The following MCF2L variants were observed in gnomAD, a reference collection of about 807,000 sequenced individuals.
MCF2L encodes the protein MCF.2 cell line derived transforming sequence like, also known as guanine nucleotide exchange factor DBS.
MCF2L carries 97 observed loss-of-function variants against 153.4 expected under a neutral mutation model. The ratio of observed to expected loss-of-function variants is 0.63; its 90% CI spans 0.54 to 0.75. The LOEUF (loss-of-function observed/expected upper bound fraction) is 0.75. Ranked by LOEUF, MCF2L falls within the 30% of genes least tolerant of loss-of-function variation. The pLI is 0.00. For missense variants in MCF2L, 1,347 were observed against 1,495.2 expected (o/e 0.90, Z 1.64); for synonymous variants, 659 against 632.2 (o/e 1.04, Z -0.64).
At position 113,028,044 on chromosome 13, in the gene MCF2L, G is replaced by C. The variant is rs1376588932; in HGVS notation, c.278+3286G>C. ...GCATGGGGCTAAATGAGATTCTGTG[G>C]TGTCCACACTGAATGCTGACTGGTC... On this transcript the variant is annotated intron_variant, in intron 3 of 29. Transcript: ENST00000535094. This position sits in a 1 kb window ranked among gnomAD's most constrained non-coding sequence, Gnocchi z 5.4. Among the ~76,000 whole-genome samples the C allele has an allele frequency of 6.6e-6, 1 of 152,214 alleles. No individual in the cohort carries two copies. Among genetic ancestry groups the C allele is most frequent in the Non-Finnish European group, 1.5e-5 (1 of 68,030 alleles).
chr13:113,038,131 G>A (rs922592690), intron 3 of MCF2L, among the ~76,000 whole-genome samples: 1 of 152,086 alleles, frequency 6.6e-6, no homozygotes, highest in East Asian at 1.9e-4. Context: ...AATAAAAGAC[G>A]TGCAAGACTT....
At chr13:113,025,198 CCAT>C (rs2085165514) in intron 3 of MCF2L, among the ~76,000 whole-genome samples, 1 of 99,292 alleles carries the variant, frequency 1.0e-5, no homozygotes, top group African/African-American at 4.0e-5. Context: ...TGAGGTTTCC[CCAT>C]TGTGGGGTCC....
chr13:112,933,423 C>T (rs1400661760), intron 2 of MCF2L, among the ~76,000 whole-genome samples: 1 of 152,202 alleles, frequency 6.6e-6, no homozygotes, highest in African/African-American at 2.4e-5. Context: ...TTGATGGCCC[C>T]GTGGGTCAGG....
At chr13:112,995,121 C>T (rs911196436) in intron 1 of MCF2L, among the ~76,000 whole-genome samples, 2 of 152,284 alleles carry the variant, frequency 1.3e-5, no homozygotes, top group East Asian at 1.9e-4. Flanking sequence ...CTCCAGGATG[C>T]GGCTGTTTGG....
chr13:112,927,747 G>A (rs924659970), intron 2 of MCF2L, among the ~76,000 whole-genome samples: 9 of 152,084 alleles, frequency 5.9e-5, no homozygotes, highest in African/African-American at 1.9e-4. Flanking sequence ...AGGAAATACC[G>A]GGGACAGAGG....
chr13:113,015,857 G>T (rs1386398575), intron 2 of MCF2L, among the ~76,000 whole-genome samples: 1 of 152,212 alleles, frequency 6.6e-6, no homozygotes, highest in Non-Finnish European at 1.5e-5. Context: ...GAGGACAAGG[G>T]CTCCAATCCC....
chr13:113,017,128 G>A (rs1285885407), intron 2 of MCF2L, among the ~76,000 whole-genome samples: 10 of 152,306 alleles, frequency 6.6e-5, no homozygotes, highest in African/African-American at 2.4e-4. Flanking sequence ...GGGTGTGTGC[G>A]TTGCCAATCG....
intron 1 of MCF2L, chr13:112,985,384 T>C (rs2140933371): frequency 2.1e-6 from 1 of 470,868 alleles, no homozygotes; most frequent in African/African-American, 2.0e-5. Flanking sequence ...ATCCTCGCCA[T>C]GGGGGACGGA....
At chr13:112,996,320 GAAAAAAT>G (rs2083129543) in intron 1 of MCF2L, among the ~76,000 whole-genome samples, 1 of 152,082 alleles carries the variant, frequency 6.6e-6, no homozygotes, top group African/African-American at 2.4e-5. Context: ...GCCTTGGCTA[GAAAAAAT>G]AAATAAAAGG....
chr13:113,035,924 C>T lies in MCF2L; in HGVS notation c.279-9347C>T, dbSNP rs1219329006. On this transcript the variant is annotated intron_variant, in intron 3 of 29. Coordinates refer to ENST00000535094, the MANE Select transcript of MCF2L (RefSeq NM_001112732.3). The surrounding 1 kb of genome is among the most constrained non-coding windows in gnomAD (Gnocchi z 4.4). ...GGCGATGGGGCCTTCCTCTCTGGTA[C>T]AGCAGGGGCCTAAGGGATGTTTGAC... Among the ~76,000 whole-genome samples the T allele has an allele frequency of 6.6e-6, 1 of 152,168 alleles. No homozygotes were observed. The highest frequency in any genetic ancestry group is 1.5e-5 in the Non-Finnish European group (1 of 68,032).
At chr13:113,044,657 CT>C in intron 3 of MCF2L, 1 of 1,611,442 alleles carries the variant, frequency 6.2e-7, no homozygotes, top group Non-Finnish European at 8.5e-7. Context: ...ACTCAGGCTT[CT>C]ACTACCAGGC....
chr13:112,960,131 C>G lies in MCF2L; in HGVS notation c.170-54632C>G, dbSNP rs1484255560. ...GTTTTCTGCTGCTATAACAGAGTAT[C>G]ACAGATTGGGTAATTTACACACAAT... is the stretch of plus-strand genomic sequence containing the variant. On this transcript the variant is annotated intron_variant, in intron 2 of 29. Coordinates refer to the MCF2L transcript ENST00000375608. This position sits in a 1 kb window ranked among gnomAD's most constrained non-coding sequence, Gnocchi z 4.2. 6.6e-6 allele frequency among the ~76,000 whole-genome samples: 1 copy of G among 152,244 alleles called. No homozygotes were observed. Among genetic ancestry groups the G allele is most frequent in the Non-Finnish European group, 1.5e-5 (1 of 68,044 alleles).
At chr13:113,088,294 A>G in intron 23 of MCF2L, 33 bp from the exon 24 acceptor site, 2 of 1,568,680 alleles carry the variant, frequency 1.3e-6, no homozygotes, top group Middle Eastern at 1.7e-4. Context: ...GGGCCTGAGT[A>G]CTCACCTCCT....
chr13:113,029,700 C>T (rs2085526791), intron 3 of MCF2L, among the ~76,000 whole-genome samples: 2 of 152,206 alleles, frequency 1.3e-5, no homozygotes, highest in Non-Finnish European at 2.9e-5. Context: ...GCGGCTCGGT[C>T]CCGGGACATC....
At chr13:112,965,818 C>T (rs1032614266), upstream of MCF2L, 1 of 152,146 alleles carries the variant, frequency 6.6e-6, no homozygotes. Context: ...CCTGGGGCGC[C>T]TCTGGTTCCC....
rs538508101 is a variant in MCF2L, at chr13:113,097,431, G to A, written c.*572G>A. Reference sequence around the variant, plus strand: ...TTTTGTTACCGGGGTTTACATAGAAGCACGTTGTTTATACCACTAAGTGAC... The same window carrying A: ...TTTTGTTACCGGGGTTTACATAGAAACACGTTGTTTATACCACTAAGTGAC... On this transcript the variant is annotated 3_prime_UTR_variant, in exon 30 of 30. Coordinates refer to ENST00000535094, the MANE Select transcript of MCF2L (RefSeq NM_001112732.3). 5 of 152,354 alleles carry A rather than the reference G, an allele frequency of 3.3e-5. No individual in the cohort carries two copies. The East Asian group carries it at 9.6e-4, about 29-fold the overall frequency. The allele number at this position is 152,354 out of a possible 1,614,324, so 9.4% of individuals were successfully genotyped here.
intron 3 of MCF2L, chr13:113,033,759 A>G (rs548231269): frequency 6.2e-6 from 1 of 160,732 alleles, no homozygotes; most frequent in Non-Finnish European, 1.5e-5. Flanking sequence ...AAGCTCTGCC[A>G]CCCACAGCCA....
intron 1 of MCF2L, among the ~76,000 whole-genome samples, chr13:112,995,227 G>A (rs1027080129): frequency 6.6e-6 from 1 of 152,220 alleles, no homozygotes; most frequent in Non-Finnish European, 1.5e-5. Flanking sequence ...CTGAGGGCAC[G>A]AAGCTCATGT....
At chr13:113,096,741 G>A (rs2035700335) in intron 29 of MCF2L, 33 bp from the exon 30 acceptor site, 2 of 1,555,406 alleles carry the variant, frequency 1.3e-6, no homozygotes, top group Non-Finnish European at 1.7e-6. Flanking sequence ...CAGAGCCGAC[G>A]CCGAAGCCCG....
Sources: allele counts gnomAD v4.1 joint callset (sites outside exome capture counted in the v4.1 genomes callset), GRCh38; gene constraint gnomAD v4.1.1; non-coding constraint Gnocchi (gnomAD v3.1); transcripts MANE v1.5; gene names NCBI Gene and HGNC (gene_info 2026-07-23, HGNC 2026-07-21).